Variants in HNMT observed in about 807,000 individuals in gnomAD.
The protein encoded by HNMT is histamine N-methyltransferase.
Under a neutral mutation model 32.1 loss-of-function variants are expected in HNMT, and 30 were observed. That is an observed-to-expected ratio of 0.93 (90% CI 0.70 to 1.27). The LOEUF is 1.27. Ranked by LOEUF, HNMT falls within the 50% of genes most tolerant of loss-of-function variation. The pLI is 0.00. For synonymous variants in HNMT, 125 were observed against 119.0 expected, an observed-to-expected ratio of 1.05 and a Z score of -0.33; for missense variants, 327 against 346.0, an observed-to-expected ratio of 0.95 and a Z score of 0.43.
At chr2:137,964,951 G>A (rs760362712) in intron 1 of HNMT, among the ~76,000 whole-genome samples, 9 of 152,152 alleles carry the variant, frequency 5.9e-5, no homozygotes, top group Non-Finnish European at 8.8e-5. Context: ...AGATTTTTCA[G>A]CCCTCCTCCA....
intron 2 of HNMT, among the ~76,000 whole-genome samples, chr2:137,996,068 T>G (rs1048857759): frequency 6.6e-6 from 1 of 152,180 alleles, no homozygotes; most frequent in Non-Finnish European, 1.5e-5. Flanking sequence ...AATATCATAT[T>G]GAATAGGCAA....
At chr2:137,966,711 A>G (rs1679968856) in intron 1 of HNMT, among the ~76,000 whole-genome samples, 1 of 152,106 alleles carries the variant, frequency 6.6e-6, no homozygotes, top group African/African-American at 2.4e-5. Flanking sequence ...ATATGCAAAC[A>G]TATCAAGGAA....
intron 2 of HNMT, 49 bp downstream of exon 2, chr2:137,970,266 C>A: frequency 1.9e-6 from 2 of 1,036,430 alleles, no homozygotes; most frequent in Non-Finnish European, 2.9e-6. Context: ...AACCATTATG[C>A]TGTGTGATGA....
rs1057086185 is a variant in HNMT at position 137,985,740 on chromosome 2, A to G, written c.191-15178A>G. On this transcript the variant is annotated intron_variant, in intron 2 of 5. Coordinates refer to ENST00000280097, the MANE Select transcript of HNMT (RefSeq NM_006895.3). ...CTTTGAGTCACCAGATAAAGTTCAT[A>G]TATGATATAAGGTATAGTCACATCT... is the stretch of plus-strand genomic sequence containing the variant. Among the ~76,000 whole-genome samples the G allele has an allele frequency of 2.6e-5, 4 of 152,226 alleles. No individual in the cohort carries two copies. The East Asian group carries it at 7.7e-4, about 29-fold the overall frequency.
intron 4 of HNMT, chr2:138,002,633 G>T (rs1681208655): frequency 4.6e-6 from 1 of 219,492 alleles, no homozygotes; most frequent in Non-Finnish European, 7.7e-6. Context: ...TTTTTGTAGA[G>T]ATGGGGTCAT....
chr2:137,989,094 A>G (rs1251732432), intron 2 of HNMT, among the ~76,000 whole-genome samples: 1 of 152,158 alleles, frequency 6.6e-6, no homozygotes, highest in Non-Finnish European at 1.5e-5. Flanking sequence ...AATTACTAGA[A>G]GCTCATAGTT....
At position 137,970,392 on chromosome 2, in the gene HNMT, T is replaced by A. The variant is rs538763258; in HGVS notation, c.190+175T>A. 4.6e-5 allele frequency among the ~76,000 whole-genome samples: 7 copies of A among 152,288 alleles called. No individual in the cohort carries two copies. In the East Asian group the frequency reaches 1.3e-3, roughly 29 times the overall value. On this transcript the variant is annotated intron_variant, in intron 2 of 5. Coordinates refer to ENST00000280097, the MANE Select transcript of HNMT (RefSeq NM_006895.3). ...TAATGCCCCCATAGATTTACAGGGT[T>A]TAGGACATTAGCCTTCATTACTATC...
At position 137,976,084 on chromosome 2, in the gene HNMT, T is replaced by C. The variant is rs140629213; in HGVS notation, c.190+5867T>C. On this transcript the variant is annotated intron_variant, in intron 2 of 5. Coordinates refer to ENST00000280097, the MANE Select transcript of HNMT (RefSeq NM_006895.3). ...GAGTTTGAGACCAGCCTGGCCAACATAGTGAAACCCGGCTTTTCTAAAAAC... is the reference window on the plus strand; with the variant it reads ...GAGTTTGAGACCAGCCTGGCCAACACAGTGAAACCCGGCTTTTCTAAAAAC... Among the ~76,000 whole-genome samples, 896 of 151,992 alleles carry C rather than the reference T, an allele frequency of 5.9e-3. 5 individuals are homozygous for C. Among genetic ancestry groups the C allele is most frequent in the African/African-American group, 0.02 (842 of 41,456 alleles).
At chr2:137,975,804 T>C (rs1038591269) in intron 2 of HNMT, among the ~76,000 whole-genome samples, 2 of 152,308 alleles carry the variant, frequency 1.3e-5, no homozygotes, top group East Asian at 3.9e-4. Flanking sequence ...ATCAACAAAC[T>C]TAAAATGTGT....
intron 4 of HNMT, among the ~76,000 whole-genome samples, chr2:138,003,358 G>A (rs542761319): frequency 3.3e-5 from 5 of 152,078 alleles, no homozygotes; most frequent in African/African-American, 1.2e-4. Context: ...GGTTACCAAC[G>A]GGAAATGTAC....
In HNMT at chr2:138,014,356, C is replaced by A; in HGVS notation, c.*226C>A. The A allele has an allele frequency of 9.7e-6, 4 of 411,758 alleles. No homozygotes were observed. The highest frequency in any genetic ancestry group is 1.5e-4 in the South Asian group (2 of 13,430). The allele number at this position is 411,758 out of a possible 1,614,324, so 25.5% of individuals were successfully genotyped here. ...CAGGTAGAGAGACCACAAGCAGGCTCAACATAACATAAGCTAGAAAAATTA... is the reference window on the plus strand; with the variant it reads ...CAGGTAGAGAGACCACAAGCAGGCTAAACATAACATAAGCTAGAAAAATTA... On this transcript the variant is annotated 3_prime_UTR_variant, in exon 6 of 6. Transcript: ENST00000280097.
chr2:137,979,404 G>C (rs1177493483), intron 2 of HNMT, among the ~76,000 whole-genome samples: 1 of 151,952 alleles, frequency 6.6e-6, no homozygotes, highest in Non-Finnish European at 1.5e-5. Context: ...CCGCGTAGCT[G>C]GGACTACAGG....
intron 4 of HNMT, chr2:138,002,655 C>G (rs1681210078): frequency 3.6e-6 from 1 of 277,520 alleles, no homozygotes; most frequent in Non-Finnish European, 5.5e-6. Context: ...CTATGTTGCC[C>G]AGGCTGGTCT....
At chr2:138,009,212 C>G (rs1461485249) in intron 5 of HNMT, among the ~76,000 whole-genome samples, 3 of 152,046 alleles carry the variant, frequency 2.0e-5, no homozygotes, top group Admixed American at 6.6e-5. Context: ...CATCTCATAC[C>G]AGTCAGAATG....
intron 2 of HNMT, among the ~76,000 whole-genome samples, chr2:137,984,396 G>GT (rs1398190694): frequency 2.0e-5 from 3 of 152,108 alleles, no homozygotes; most frequent in Non-Finnish European, 4.4e-5. Context: ...GCTTTCTGAT[G>GT]TTTTGCAAGT....
chr2:137,989,867 A>G (rs1226459294), intron 2 of HNMT, among the ~76,000 whole-genome samples: 2 of 152,014 alleles, frequency 1.3e-5, no homozygotes, highest in Non-Finnish European at 1.5e-5. Context: ...ATCTCTTTAT[A>G]TATTTATCTG....
intron 2 of HNMT, among the ~76,000 whole-genome samples, chr2:137,988,941 T>C (rs758126436): frequency 6.6e-6 from 1 of 152,206 alleles, no homozygotes; most frequent in Non-Finnish European, 1.5e-5. Context: ...AAAGGAAGTT[T>C]AGGGTTTGCA....
In HNMT at chr2:137,980,037, G is replaced by GTT. The variant is rs1275439077; in HGVS notation, c.190+9835_190+9836dup. On this transcript the variant is annotated intron_variant, in intron 2 of 5. Coordinates refer to ENST00000280097, the MANE Select transcript of HNMT (RefSeq NM_006895.3). ...GAAGATTTTGATTCACCTGTAACAG[G>GTT]TTTTTTTTTTTTTTTTGAGACAGAG... Among the ~76,000 whole-genome samples the GTT allele has an allele frequency of 5.5e-3, 763 of 139,738 alleles. 7 individuals carry two copies. Among genetic ancestry groups the GTT allele is most frequent in the African/African-American group, 0.018 (687 of 38,020 alleles). The allele number at this position is 139,738 out of a possible 152,430, so 91.7% of individuals were successfully genotyped here.
At chr2:138,012,691 T>C (rs982511809) in intron 5 of HNMT, among the ~76,000 whole-genome samples, 1 of 152,144 alleles carries the variant, frequency 6.6e-6, no homozygotes, top group Non-Finnish European at 1.5e-5. Context: ...GATACAAAAC[T>C]GCTCGTCTTC....
Sources: gnomAD v4.1 joint callset for allele counts (sites outside exome capture counted in the v4.1 genomes callset) on GRCh38, gnomAD v4.1.1 for gene constraint, MANE v1.5 for transcripts, NCBI Gene and HGNC (gene_info 2026-07-23, HGNC 2026-07-21) for gene names.